CELSR1: variants seen among roughly 807,000 people sequenced by gnomAD.
The protein encoded by CELSR1 is cadherin EGF LAG seven-pass G-type receptor 1, also known as adhesion G protein-coupled receptor C1.
In CELSR1, 110 loss-of-function variants were observed where a neutral mutation model predicts 249.1. That is an observed-to-expected ratio of 0.44 (90% CI 0.38 to 0.52). The LOEUF (loss-of-function observed/expected upper bound fraction) is 0.52, where lower values mean the gene tolerates loss of function less well. Ranked by LOEUF, CELSR1 falls within the 20% of genes least tolerant of loss-of-function variation. CELSR1 has a pLI of 0.00. For synonymous variants in CELSR1, 2,113 were observed against 1,900.0 expected, an observed-to-expected ratio of 1.11 and a Z score of -2.92; for missense variants, 4,109 against 4,296.4, an observed-to-expected ratio of 0.96 and a Z score of 1.22.
In CELSR1 at chr22:46,427,967, T is replaced by A. The variant is rs923821272; in HGVS notation, c.4611+5426A>T. Reference sequence around the variant, plus strand: ...ACCCCAGGGGTGCTCCGGGGGTACATCTCCCACTCTCCTTGGGACTCTGGG... The same window carrying A: ...ACCCCAGGGGTGCTCCGGGGGTACAACTCCCACTCTCCTTGGGACTCTGGG... On this transcript the variant is annotated intron_variant, in intron 5 of 34. Transcript: ENST00000674500. The surrounding 1 kb of genome is among the most constrained non-coding windows in gnomAD (Gnocchi z 4.2). 6.6e-6 allele frequency among the ~76,000 whole-genome samples: 1 copy of A among 151,992 alleles called. No homozygotes were observed. The highest frequency in any genetic ancestry group is 1.5e-5 in the Non-Finnish European group (1 of 67,998).
chr22:46,452,701 G>C (rs2079900201), intron 2 of CELSR1, among the ~76,000 whole-genome samples: 1 of 152,244 alleles, frequency 6.6e-6, no homozygotes, highest in Admixed American at 6.5e-5. Context: ...TGGCAGCTCA[G>C]GAGGCCTCCA....
At chr22:46,509,169 G>C (rs6008880) in intron 1 of CELSR1, among the ~76,000 whole-genome samples, 1 of 152,146 alleles carries the variant, frequency 6.6e-6, no homozygotes, top group East Asian at 1.9e-4. Context: ...TGCTCCCATG[G>C]CCAAGTCCTA....
Position 46,430,531 on chromosome 22 carries a change from C to A in CELSR1, c.4611+2862G>T, listed in dbSNP as rs1358536684. 6.6e-6 allele frequency among the ~76,000 whole-genome samples: 1 copy of A among 152,104 alleles called. No individual in the cohort carries two copies. Among genetic ancestry groups the A allele is most frequent in the African/African-American group, 2.4e-5 (1 of 41,406 alleles). On this transcript the variant is annotated intron_variant, in intron 5 of 34. Coordinates refer to ENST00000674500, the MANE Select transcript of CELSR1 (RefSeq NM_001378328.1). The surrounding 1 kb of genome is among the most constrained non-coding windows in gnomAD (Gnocchi z 4.6). ...TCAACTGGTCATGGCCCTGGACACC[C>A]CTCATCGTCCAGCCCCAACGCCTCC... is the stretch of plus-strand genomic sequence containing the variant.
chr22:46,525,040 C>T (rs978358360), intron 1 of CELSR1, among the ~76,000 whole-genome samples: 1 of 152,312 alleles, frequency 6.6e-6, no homozygotes, highest in African/African-American at 2.4e-5. Flanking sequence ...GCCCAGGGGC[C>T]TCCAAGAGGA....
chr22:46,448,661 C>T lies in CELSR1; in HGVS notation c.4184-9250G>A, dbSNP rs1425066189. On this transcript the variant is annotated intron_variant, in intron 2 of 34. Transcript: ENST00000674500. The surrounding 1 kb of genome is among the most constrained non-coding windows in gnomAD (Gnocchi z 5.7). The stretch of plus-strand genomic sequence containing the variant: ...GAAGGCTTAGTTTATGCAGAATTAA[C>T]GATCAAAATGAAACACAAGAACAGA... The T allele has an allele frequency of 2.3e-5, 8 of 349,966 alleles. No homozygotes were observed. Among genetic ancestry groups the T allele is most frequent in the African/African-American group, 2.2e-5 (1 of 46,114 alleles). 21.7% of individuals were successfully genotyped at this position (349,966 alleles called of 1,614,324 possible). A position where few individuals can be genotyped will look rare whatever the true frequency, so the allele number is the denominator to read the frequency against.
Position 46,536,650 on chromosome 22 carries a change from G to T in CELSR1, c.521C>A (p.Pro174Gln), listed in dbSNP as rs1363065869. 18 of 1,168,066 alleles carry T rather than the reference G, an allele frequency of 1.5e-5. No homozygotes were observed. Among genetic ancestry groups the T allele is most frequent in the Middle Eastern group, 7.0e-4 (2 of 2,846 alleles). 72.4% of individuals were successfully genotyped at this position (1,168,066 alleles called of 1,614,324 possible). The change falls in exon 1 of 35, where the codon CCG becomes CAG. Residue 174 changes from proline (P) to glutamine (Q), a missense_variant. By Grantham distance (76) the Pro-to-Gln change is moderately conservative. Transcript: ENST00000674500. ...PRCPGRPICL[P>Q]PGGSVRLRLL... ...ACGCAGGCGGACCGAGCCGCCCGGC[G>T]GCAGGCAGATGGGACGGCCGGGACA...
At position 46,411,786 on chromosome 22, in the gene CELSR1, G is replaced by A. The variant is rs563723419; in HGVS notation, c.4612-27C>T. On this transcript the variant is annotated intron_variant, in intron 5 of 34. Coordinates refer to ENST00000674500, the MANE Select transcript of CELSR1 (RefSeq NM_001378328.1). The surrounding 1 kb of genome is among the most constrained non-coding windows in gnomAD (Gnocchi z 4.2). ...TGTAAGAAGAGAAAGCACAGAAGGT[G>A]TCAGCGTTTTCTCCACCAGTGCCCT... The A allele has an allele frequency of 1.2e-6, 2 of 1,613,034 alleles. No homozygotes were observed. Among genetic ancestry groups the A allele is most frequent in the South Asian group, 1.1e-5 (1 of 91,080 alleles).
At chr22:46,375,138 C>G (rs1304085800) in intron 24 of CELSR1, among the ~76,000 whole-genome samples, 1 of 152,166 alleles carries the variant, frequency 6.6e-6, no homozygotes, top group African/African-American at 2.4e-5. Context: ...CAGGTCTGCA[C>G]GTGGCCCTGA....
At position 46,369,690 on chromosome 22, in the gene CELSR1, A is replaced by G; in HGVS notation, c.7872+2T>C. 1 of 1,612,952 alleles carries G rather than the reference A, an allele frequency of 6.2e-7. No homozygotes were observed. Among genetic ancestry groups the G allele is most frequent in the Non-Finnish European group, 8.5e-7 (1 of 1,179,546 alleles). The stretch of plus-strand genomic sequence containing the variant: ...GGACTCCCGTGAAGGCCCCACACTC[A>G]CGATTATAACAGCTCCGATGGGCCC... On this transcript the variant is annotated splice_donor_variant, in intron 26 of 34. Coordinates refer to ENST00000674500, the MANE Select transcript of CELSR1 (RefSeq NM_001378328.1). LOFTEE classifies it high-confidence loss of function.
rs2079417524 is a variant in CELSR1, at chr22:46,417,557, C to T, written c.4612-5798G>A. 6.6e-6 allele frequency among the ~76,000 whole-genome samples: 1 copy of T among 152,220 alleles called. No individual in the cohort carries two copies. The highest frequency in any genetic ancestry group is 2.4e-5 in the African/African-American group (1 of 41,454). Reference sequence around the variant, plus strand: ...AGCAGCAAACCGTCTGGAAGCCCAACTGAGCCACTGGGCCACCGGGTGGGG... The same window carrying T: ...AGCAGCAAACCGTCTGGAAGCCCAATTGAGCCACTGGGCCACCGGGTGGGG... On this transcript the variant is annotated intron_variant, in intron 5 of 34. Transcript: ENST00000674500. The surrounding 1 kb of genome is among the most constrained non-coding windows in gnomAD (Gnocchi z 4.1).
In CELSR1 at chr22:46,488,319, T is replaced by G. The variant is rs924933438; in HGVS notation, c.3545-23974A>C. 5.3e-5 allele frequency among the ~76,000 whole-genome samples: 8 copies of G among 151,984 alleles called. No homozygotes were observed. The highest frequency in any genetic ancestry group is 1.9e-4 in the African/African-American group (8 of 41,432). ...CCCTGCCCTCCTGGGGACAGGGGGA[T>G]GGTCTTGGGGGATGAGAGTCCCACT... On this transcript the variant is annotated intron_variant, in intron 1 of 34. Transcript: ENST00000674500. The surrounding 1 kb of genome is among the most constrained non-coding windows in gnomAD (Gnocchi z 4.7).
rs979619930 is a variant in CELSR1, at chr22:46,472,046, T to C, written c.3545-7701A>G. Among the ~76,000 whole-genome samples, 1 of 152,144 alleles carries C rather than the reference T, an allele frequency of 6.6e-6. No individual in the cohort carries two copies. The highest frequency in any genetic ancestry group is 1.5e-5 in the Non-Finnish European group (1 of 68,020). ...ACTCTCTCTGCCCGTGCTCCAGGCATTCCTCCCAGGCCTGGAGCGGCTCCG... is the reference window on the plus strand; with the variant it reads ...ACTCTCTCTGCCCGTGCTCCAGGCACTCCTCCCAGGCCTGGAGCGGCTCCG... On this transcript the variant is annotated intron_variant, in intron 1 of 34. Coordinates refer to ENST00000674500, the MANE Select transcript of CELSR1 (RefSeq NM_001378328.1). The surrounding 1 kb of genome is among the most constrained non-coding windows in gnomAD (Gnocchi z 7.0).
Position 46,396,342 on chromosome 22 carries a change from A to T in CELSR1, c.5843+263T>A, listed in dbSNP as rs1014221909. ...AGAATCACTTGAGCCCAGGAGGCAG[A>T]GGTTGCAAGGAGCCAAGATCGCGCC... On this transcript the variant is annotated intron_variant, in intron 13 of 34. Coordinates refer to ENST00000674500, the MANE Select transcript of CELSR1 (RefSeq NM_001378328.1). The surrounding 1 kb of genome is among the most constrained non-coding windows in gnomAD (Gnocchi z 6.4). Among the ~76,000 whole-genome samples, 3 of 152,234 alleles carry T rather than the reference A, an allele frequency of 2.0e-5. No individual in the cohort carries two copies. The highest frequency in any genetic ancestry group is 2.4e-5 in the African/African-American group (1 of 41,454).
intron 2 of CELSR1, among the ~76,000 whole-genome samples, chr22:46,442,612 C>T (rs1220630501): frequency 8.5e-5 from 13 of 152,204 alleles, no homozygotes; most frequent in South Asian, 2.1e-4. Flanking sequence ...TGAGTTCAGT[C>T]GTTTTAGGAA....
chr22:46,364,758 C>T (rs2078748104), intron 32 of CELSR1, 22 bp from the exon 33 acceptor site: 6 of 1,601,906 alleles, frequency 3.7e-6, no homozygotes, highest in Middle Eastern at 1.7e-4. Context: ...GAGCGGTGCT[C>T]AGCAGGCAGC....
rs2079838159 is a variant in CELSR1, at chr22:46,447,883, GT to G, written c.4184-8473del. 1.3e-5 allele frequency among the ~76,000 whole-genome samples: 2 copies of G among 152,134 alleles called. No homozygotes were observed. Among genetic ancestry groups the G allele is most frequent in the Non-Finnish European group, 2.9e-5 (2 of 68,028 alleles). ...GATCTGCTCGCCTTAGCCTCCCAAA[GT>G]GCTGGGATTACAGGTGCGAGCCACC... is the stretch of plus-strand genomic sequence containing the variant. On this transcript the variant is annotated intron_variant, in intron 2 of 34. Coordinates refer to ENST00000674500, the MANE Select transcript of CELSR1 (RefSeq NM_001378328.1). This position sits in a 1 kb window ranked among gnomAD's most constrained non-coding sequence, Gnocchi z 4.7.
rs906106364 is a variant in CELSR1 at position 46,518,124 on chromosome 22, C to T, written c.3544+15503G>A. ...TTCTCCATGTTGGTCAGGCTGGTCT[C>T]GAACTCGTGACCTCAGGTGATGTGA... On this transcript the variant is annotated intron_variant, in intron 1 of 34. Coordinates refer to ENST00000674500, the MANE Select transcript of CELSR1 (RefSeq NM_001378328.1). This position sits in a 1 kb window ranked among gnomAD's most constrained non-coding sequence, Gnocchi z 5.2. 1.3e-5 allele frequency among the ~76,000 whole-genome samples: 2 copies of T among 152,146 alleles called. No homozygotes were observed. Among genetic ancestry groups the T allele is most frequent in the Admixed American group, 6.5e-5 (1 of 15,270 alleles).
Position 46,407,009 on chromosome 22 carries a change from G to T in CELSR1, c.5226+1987C>A, listed in dbSNP as rs1053357401. On this transcript the variant is annotated intron_variant, in intron 9 of 34. Coordinates refer to ENST00000674500, the MANE Select transcript of CELSR1 (RefSeq NM_001378328.1). This position sits in a 1 kb window ranked among gnomAD's most constrained non-coding sequence, Gnocchi z 4.8. ...GACTTCCTGACCGCAGGAGCGGGGA[G>T]GGGGGGTCATCCTGGGAGAACAGGG... Among the ~76,000 whole-genome samples the T allele has an allele frequency of 6.6e-6, 1 of 151,498 alleles. No individual in the cohort carries two copies. The highest frequency in any genetic ancestry group is 1.5e-5 in the Non-Finnish European group (1 of 68,020).
intron 20 of CELSR1, among the ~76,000 whole-genome samples, chr22:46,383,686 C>G (rs1194714735): frequency 6.6e-6 from 1 of 152,076 alleles, no homozygotes; most frequent in African/African-American, 2.4e-5. Context: ...GCCACCATGC[C>G]CAGGTAATTA....
Sources: gnomAD v4.1 joint callset for allele counts (sites outside exome capture counted in the v4.1 genomes callset) on GRCh38, gnomAD v4.1.1 for gene constraint, Gnocchi (gnomAD v3.1) non-coding constraint, MANE v1.5 for transcripts, NCBI Gene and HGNC (gene_info 2026-07-23, HGNC 2026-07-21) for gene names.